ADAMTSL1: variants seen among roughly 807,000 people sequenced by gnomAD.
ADAMTSL1 encodes ADAMTS like 1, also known as ADAMTS-like protein 1.
A neutral mutation model predicts 201.8 loss-of-function variants in ADAMTSL1; 126 were observed. That is an observed-to-expected ratio of 0.62 (90% CI 0.54 to 0.72). The LOEUF is 0.72. Ranked by LOEUF, ADAMTSL1 falls within the 30% of genes least tolerant of loss-of-function variation. ADAMTSL1 has a pLI of 0.00. For synonymous variants in ADAMTSL1, 1,121 were observed against 903.4 expected (o/e 1.24, Z -4.32); for missense variants, 2,679 against 2,277.8 (o/e 1.18, Z -3.59).
At chr9:17,934,570 C>G (rs1187420952) in intron 1 of ADAMTSL1, among the ~76,000 whole-genome samples, 1 of 152,112 alleles carries the variant, frequency 6.6e-6, no homozygotes, top group African/African-American at 2.4e-5. Context: ...AACAATGATA[C>G]CAAATTTCCC....
chr9:18,309,901 T>C (rs559680709), intron 2 of ADAMTSL1, among the ~76,000 whole-genome samples: 9 of 151,390 alleles, frequency 5.9e-5, no homozygotes, highest in African/African-American at 1.9e-4. Context: ...GCAAAAAGAA[T>C]AAAGGTGGAG....
intron 1 of ADAMTSL1, among the ~76,000 whole-genome samples, chr9:17,913,133 A>G (rs11506403): frequency 0.069 from 10,511 of 151,714 alleles, 712 homozygotes; most frequent in African/African-American, 0.17. Flanking sequence ...GTAGCGTGAT[A>G]CCTCCAGCTT....
At chr9:18,895,283 A>AG (rs1394360333) in intron 26 of ADAMTSL1, among the ~76,000 whole-genome samples, 3 of 152,262 alleles carry the variant, frequency 2.0e-5, no homozygotes, top group African/African-American at 7.2e-5. Context: ...CATCAAAAAA[A>AG]CAACTAGACA....
At chr9:18,315,833 C>A (rs1417483242) in intron 2 of ADAMTSL1, among the ~76,000 whole-genome samples, 2 of 152,190 alleles carry the variant, frequency 1.3e-5, no homozygotes, top group African/African-American at 4.8e-5. Flanking sequence ...GACACCAAGG[C>A]CAAGGAGGCG....
At chr9:17,970,935 C>A (rs543045977) in intron 1 of ADAMTSL1, among the ~76,000 whole-genome samples, 1 of 152,162 alleles carries the variant, frequency 6.6e-6, no homozygotes, top group South Asian at 2.1e-4. Flanking sequence ...TTTATGTATG[C>A]AATCATAAAC....
At chr9:18,554,578 C>T (rs1423661019) in intron 3 of ADAMTSL1, among the ~76,000 whole-genome samples, 1 of 151,742 alleles carries the variant, frequency 6.6e-6, no homozygotes, top group African/African-American at 2.4e-5. Flanking sequence ...TTGTTAGAAA[C>T]TCTGAAGGAA....
chr9:17,992,368 A>C (rs970287968), intron 1 of ADAMTSL1, among the ~76,000 whole-genome samples: 1 of 152,158 alleles, frequency 6.6e-6, no homozygotes, highest in Non-Finnish European at 1.5e-5. Context: ...AATATATTCA[A>C]TGCCATTCAC....
At chr9:18,162,627 C>T (rs1315029838) in intron 1 of ADAMTSL1, among the ~76,000 whole-genome samples, 1 of 151,778 alleles carries the variant, frequency 6.6e-6, no homozygotes, top group Non-Finnish European at 1.5e-5. Context: ...GAAGAGTATA[C>T]CCCTTTCCAA....
intron 2 of ADAMTSL1, among the ~76,000 whole-genome samples, chr9:18,425,910 A>T (rs1819197562): frequency 6.6e-6 from 1 of 151,968 alleles, no homozygotes. Flanking sequence ...TGAGGAGAAA[A>T]GATGTTCTTT....
chr9:18,540,503 G>C (rs1296185412), intron 3 of ADAMTSL1, among the ~76,000 whole-genome samples: 2 of 152,116 alleles, frequency 1.3e-5, no homozygotes, highest in Admixed American at 6.5e-5. Context: ...GCATGAAGGA[G>C]CCCAGCTTAT....
At chr9:18,209,463 C>A (rs1486618673) in intron 2 of ADAMTSL1, among the ~76,000 whole-genome samples, 1 of 152,090 alleles carries the variant, frequency 6.6e-6, no homozygotes, top group African/African-American at 2.4e-5. Context: ...AATATTTAGA[C>A]CATGGAACCA....
intron 22 of ADAMTSL1, among the ~76,000 whole-genome samples, chr9:18,827,492 A>T (rs1187392038): frequency 6.6e-6 from 1 of 152,168 alleles, no homozygotes; most frequent in Admixed American, 6.5e-5. Context: ...ATAAACCTCC[A>T]GCCATCTTAA....
chr9:18,791,424 A>AGTG (rs1413653230), intron 19 of ADAMTSL1, among the ~76,000 whole-genome samples: 2 of 152,338 alleles, frequency 1.3e-5, no homozygotes, highest in East Asian at 3.9e-4. Flanking sequence ...AATGGGCCAA[A>AGTG]TGTACAAAGA....
intron 2 of ADAMTSL1, among the ~76,000 whole-genome samples, chr9:18,293,397 G>A (rs944432923): frequency 3.3e-5 from 5 of 152,218 alleles, no homozygotes; most frequent in Non-Finnish European, 7.3e-5. Flanking sequence ...GGAGGCATAT[G>A]TCATCAAGAA....
At chr9:18,396,733 G>A (rs995212333) in intron 2 of ADAMTSL1, among the ~76,000 whole-genome samples, 5 of 151,714 alleles carry the variant, frequency 3.3e-5, no homozygotes, top group Admixed American at 1.3e-4. Flanking sequence ...CAACTCTCAA[G>A]GTTTAACCAC....
chr9:18,865,940 A>G (rs1169772393), intron 23 of ADAMTSL1, among the ~76,000 whole-genome samples: 1 of 152,034 alleles, frequency 6.6e-6, no homozygotes, highest in African/African-American at 2.4e-5. Flanking sequence ...GGAGGGAAAC[A>G]GAAAAGAGAG....
chr9:17,939,319 A>T (rs1229136883), intron 1 of ADAMTSL1, among the ~76,000 whole-genome samples: 1 of 151,102 alleles, frequency 6.6e-6, no homozygotes, highest in African/African-American at 2.4e-5. Flanking sequence ...TAACTCTCAC[A>T]ACCACCATCT....
intron 26 of ADAMTSL1, among the ~76,000 whole-genome samples, chr9:18,901,658 A>G (rs1290594883): frequency 6.6e-6 from 1 of 152,356 alleles, no homozygotes; most frequent in African/African-American, 2.4e-5. Context: ...GAAAATATGT[A>G]TAGCCAAAGA....
intron 2 of ADAMTSL1, among the ~76,000 whole-genome samples, chr9:18,509,985 G>A (rs1817936103): frequency 1.3e-5 from 2 of 152,184 alleles, no homozygotes; most frequent in Non-Finnish European, 2.9e-5. Flanking sequence ...GGAAAGATCA[G>A]AGTTTATGAA....
Sources: allele counts gnomAD v4.1 joint callset (sites outside exome capture counted in the v4.1 genomes callset), GRCh38; gene constraint gnomAD v4.1.1; transcripts MANE v1.5; gene names NCBI Gene and HGNC (gene_info 2026-07-23, HGNC 2026-07-21).